WDR26: variants seen among roughly 807,000 people sequenced by gnomAD.
The protein encoded by WDR26 is WD repeat-containing protein 26.
WDR26 carries 5 observed loss-of-function variants against 84.1 expected under a neutral mutation model. The observed-to-expected ratio is 0.06, with a 90% CI of 0.03 to 0.13. The LOEUF is 0.13. WDR26 is among the 10% of genes least tolerant of loss of function. The pLI is 1.00. For synonymous variants in WDR26, 415 were observed against 389.6 expected (o/e 1.07, Z -0.77); for missense variants, 642 against 974.9 (o/e 0.66, Z 4.55).
chr1:224,401,538 G>A (rs1002445116), intron 8 of WDR26, among the ~76,000 whole-genome samples: 4 of 151,492 alleles, frequency 2.6e-5, no homozygotes, highest in African/African-American at 7.3e-5. Context: ...CCCATACATG[G>A]TGGTGCATGC....
Position 224,386,280 on chromosome 1 carries a change from G to A in WDR26, c.*3555C>T, listed in dbSNP as rs1558407393. 1 of 152,572 alleles carries A rather than the reference G, an allele frequency of 6.6e-6. No individual in the cohort carries two copies. The highest frequency in any genetic ancestry group is 1.5e-5 in the Non-Finnish European group (1 of 68,034). 9.5% of individuals were successfully genotyped at this position (152,572 alleles called of 1,614,324 possible). On this transcript the variant is annotated 3_prime_UTR_variant, in exon 14 of 14. Transcript: ENST00000414423. ...AAAGGACAGTTGCGAAATTATGAAT[G>A]AGAAATTAAAGTAAAACCAAATCAA...
rs1300509036 is a variant in WDR26, at chr1:224,433,751, GCTT to G, written c.652_654del (p.Lys218del). On this transcript the variant is annotated inframe_deletion, in exon 1 of 14. Coordinates refer to ENST00000414423, the MANE Select transcript of WDR26 (RefSeq NM_001379403.1). ...ACATCCTCATCTGACTGGGAGAGCC[GCTT>G]CTTCTTCTTGAGGCTGCTGCCCAGT... 8.5e-6 allele frequency: 13 copies of G among 1,536,418 alleles called. No homozygotes were observed. The highest frequency in any genetic ancestry group is 4.9e-5 in the East Asian group (2 of 40,884).
intron 6 of WDR26, among the ~76,000 whole-genome samples, chr1:224,412,242 G>A (rs541632920): frequency 1.3e-5 from 2 of 152,296 alleles, no homozygotes; most frequent in South Asian, 4.1e-4. Context: ...TAATATTTGG[G>A]GGGATGCACA....
intron 4 of WDR26, among the ~76,000 whole-genome samples, chr1:224,423,323 CAAG>C (rs1272657219): frequency 6.6e-6 from 1 of 152,180 alleles, no homozygotes; most frequent in Non-Finnish European, 1.5e-5. Context: ...TTCTTGATCA[CAAG>C]AAGAGAGGTT....
intron 8 of WDR26, among the ~76,000 whole-genome samples, chr1:224,401,709 GA>G (rs1460182546): frequency 1.1e-5 from 1 of 95,174 alleles, no homozygotes. Context: ...AAAGAAAAAA[GA>G]AAAAAAAAGA....
chr1:224,422,171 T>C (rs772380432), intron 4 of WDR26, among the ~76,000 whole-genome samples: 4 of 152,094 alleles, frequency 2.6e-5, no homozygotes, highest in Admixed American at 6.6e-5. Flanking sequence ...CTGGGGGACA[T>C]ACATTTCAGA....
intron 13 of WDR26, among the ~76,000 whole-genome samples, chr1:224,390,359 A>G (rs1266848568): frequency 6.6e-6 from 1 of 152,206 alleles, no homozygotes; most frequent in Non-Finnish European, 1.5e-5. Flanking sequence ...AGCTCAAGCA[A>G]TCTGCCTGCC....
At chr1:224,391,012 G>A (rs2102883744) in intron 13 of WDR26, among the ~76,000 whole-genome samples, 1 of 151,810 alleles carries the variant, frequency 6.6e-6, no homozygotes, top group South Asian at 2.1e-4. Context: ...CTTTCACTTA[G>A]CATATTGTTT....
rs143097789 is a variant in WDR26 at position 224,419,540 on chromosome 1, A to G, written c.1140T>C (p.Ser380=). ...TACTCTGAAGTTTATCCAATAGTTT[A>G]GATCGGGAAGCTGTCCCTTTGCCTT... Residue 380 remains serine (S), a synonymous_variant, in exon 5 of 14, where the codon TCT becomes TCC. Transcript: ENST00000414423. 6.8e-6 allele frequency: 11 copies of G among 1,613,898 alleles called. No individual in the cohort carries two copies. Among genetic ancestry groups the G allele is most frequent in the Non-Finnish European group, 7.6e-6 (9 of 1,179,896 alleles).
chr1:224,402,192 G>A (rs1439298690), intron 8 of WDR26: 1 of 152,178 alleles, frequency 6.6e-6, no homozygotes. Context: ...AGTACTAAAA[G>A]AGGGCACAAA....
chr1:224,429,844 A>G (rs931362650), intron 3 of WDR26: 14 of 152,248 alleles, frequency 9.2e-5, no homozygotes, highest in African/African-American at 3.4e-4. Context: ...GAAATCCAAT[A>G]CAGAACTCTC....
chr1:224,414,864 A>G (rs1673848105), intron 6 of WDR26, among the ~76,000 whole-genome samples: 1 of 152,082 alleles, frequency 6.6e-6, no homozygotes, highest in Non-Finnish European at 1.5e-5. Context: ...AAACAAAGCA[A>G]AAAAGTTTTT....
At chr1:224,398,842 A>AAT (rs760530713) in intron 10 of WDR26, 47 bp downstream of exon 10, 1 of 1,605,508 alleles carries the variant, frequency 6.2e-7, no homozygotes, top group Non-Finnish European at 8.5e-7. Context: ...TACACATTTG[A>AAT]ATATAAATCA....
At position 224,434,090 on chromosome 1, in the gene WDR26, C is replaced by T. The variant is rs1202357269; in HGVS notation, c.316G>A (p.Ala106Thr). Residue 106 changes from alanine to threonine, a missense_variant, in exon 1 of 14, where the codon GCA becomes ACA. Ala to Thr is a moderately conservative substitution (Grantham distance 58, BLOSUM62 0). This residue lies in a region of WDR26 where 291 missense variants were observed against 302.1 expected (regional missense o/e 0.96). Transcript: ENST00000414423. Reference sequence around the variant, plus strand: ...CCGCCACCTCCTCCTCCTCCTCCTGCCCCATTGGCCTGCATGATGCTGCCG... The same window carrying T: ...CCGCCACCTCCTCCTCCTCCTCCTGTCCCATTGGCCTGCATGATGCTGCCG... 4 of 1,441,558 alleles carry T rather than the reference C, an allele frequency of 2.8e-6. No individual in the cohort carries two copies. The highest frequency in any genetic ancestry group is 3.6e-6 in the Non-Finnish European group (4 of 1,102,990). The allele number at this position is 1,441,558 out of a possible 1,614,324, so 89.3% of individuals were successfully genotyped here.
At position 224,431,535 on chromosome 1, in the gene WDR26, TGAG is replaced by T; in HGVS notation, c.866_868del (p.Pro289del). On this transcript the variant is annotated inframe_deletion, in exon 3 of 14. Transcript: ENST00000414423. The stretch of plus-strand genomic sequence containing the variant: ...AAGTGCGCCTCTTACCACAATAGCA[TGAG>T]GAGAATGCACTAAAGGCTTTAGTTC... 2 of 1,614,076 alleles carry T rather than the reference TGAG, an allele frequency of 1.2e-6. No individual in the cohort carries two copies. The highest frequency in any genetic ancestry group is 1.7e-6 in the Non-Finnish European group (2 of 1,179,974).
chr1:224,398,052 A>G (rs747383839), intron 12 of WDR26, 45 bp downstream of exon 12: 1 of 1,585,062 alleles, frequency 6.3e-7, no homozygotes, highest in Non-Finnish European at 8.5e-7. Context: ...TGAGATTTAC[A>G]GACTTTAATA....
At chr1:224,396,639 C>G (rs910177014) in intron 12 of WDR26, among the ~76,000 whole-genome samples, 1 of 152,192 alleles carries the variant, frequency 6.6e-6, no homozygotes, top group Non-Finnish European at 1.5e-5. Flanking sequence ...TCTCATCTGA[C>G]GCTGATTTTC....
chr1:224,390,712 G>A (rs1380967857), intron 13 of WDR26, among the ~76,000 whole-genome samples: 1 of 152,126 alleles, frequency 6.6e-6, no homozygotes, highest in Non-Finnish European at 1.5e-5. Context: ...GGAGGTTGCA[G>A]TGAGCCGAGA....
rs1209866301 is a variant in WDR26 at position 224,422,571 on chromosome 1, C to T, written c.1064+1947G>A. ...TCTCTACTAAAAATACAAAATTAGC[C>T]GGGTGTGGTGGCGCATGCCTATAAT... is the stretch of plus-strand genomic sequence containing the variant. On this transcript the variant is annotated intron_variant, in intron 4 of 13. Transcript: ENST00000414423. 4.6e-5 allele frequency among the ~76,000 whole-genome samples: 7 copies of T among 152,064 alleles called. No homozygotes were observed. The South Asian group carries it at 6.2e-4, about 14-fold the overall frequency.
Sources: gnomAD v4.1 joint callset for allele counts (sites outside exome capture counted in the v4.1 genomes callset) on GRCh38, gnomAD v4.1.1 for gene constraint, gnomAD v4.1.1 regional missense constraint, MANE v1.5 for transcripts, NCBI Gene and HGNC (gene_info 2026-07-23, HGNC 2026-07-21) for gene names.